Variants in LRRC7 observed in about 807,000 individuals in gnomAD.
LRRC7 encodes leucine rich repeat containing 7.
Under a neutral mutation model 175.7 loss-of-function variants are expected in LRRC7, and 23 were observed. The observed-to-expected ratio is 0.13, with a 90% CI of 0.09 to 0.19. LRRC7 has a LOEUF of 0.19. Among genes scored for constraint, LRRC7 ranks in the 10% least tolerant of loss-of-function variants. LRRC7 has a pLI of 1.00. For synonymous variants in LRRC7, 685 were observed against 680.9 expected (o/e 1.01, Z -0.09); for missense variants, 1,354 against 1,904.7 (o/e 0.71, Z 5.38).
chr1:69,711,704 G>A (rs995301597), intron 2 of LRRC7, among the ~76,000 whole-genome samples: 2 of 152,142 alleles, frequency 1.3e-5, no homozygotes, highest in African/African-American at 4.8e-5. Context: ...AAGTGCTGTA[G>A]CAACACTTGA....
intron 18 of LRRC7, among the ~76,000 whole-genome samples, chr1:70,029,282 T>C (rs1658451873): frequency 6.6e-6 from 1 of 152,180 alleles, no homozygotes; most frequent in South Asian, 2.1e-4. Context: ...ATCTAAAATA[T>C]GATCACATGG....
At chr1:69,584,212 C>T (rs1210787450) in intron 1 of LRRC7, among the ~76,000 whole-genome samples, 3 of 152,044 alleles carry the variant, frequency 2.0e-5, no homozygotes, top group Non-Finnish European at 2.9e-5. Context: ...TTATTATTTC[C>T]TTAAAATTTA....
At chr1:69,953,235 C>T (rs1363571885) in intron 8 of LRRC7, among the ~76,000 whole-genome samples, 1 of 151,952 alleles carries the variant, frequency 6.6e-6, no homozygotes, top group Non-Finnish European at 1.5e-5. Flanking sequence ...TGTGTTCTTG[C>T]TTTTACTAAT....
At chr1:69,942,154 C>G (rs1648787911) in intron 8 of LRRC7, among the ~76,000 whole-genome samples, 1 of 152,050 alleles carries the variant, frequency 6.6e-6, no homozygotes, top group South Asian at 2.1e-4. Context: ...TTTCCAGAAG[C>G]CATTTCTAAA....
At chr1:70,095,413 C>A (rs912430133) in intron 25 of LRRC7, among the ~76,000 whole-genome samples, 3 of 152,056 alleles carry the variant, frequency 2.0e-5, no homozygotes, top group Admixed American at 6.6e-5. Flanking sequence ...GAGATGAGTT[C>A]TTTCTTTAAT....
At chr1:69,718,606 G>T (rs2100770849) in intron 2 of LRRC7, among the ~76,000 whole-genome samples, 1 of 151,632 alleles carries the variant, frequency 6.6e-6, no homozygotes, top group Non-Finnish European at 1.5e-5. Flanking sequence ...ATTTTATCAG[G>T]CAAAAAAACA....
intron 11 of LRRC7, among the ~76,000 whole-genome samples, chr1:70,005,463 G>T (rs1345899820): frequency 6.6e-6 from 1 of 152,090 alleles, no homozygotes; most frequent in Non-Finnish European, 1.5e-5. Flanking sequence ...GTAATTGAGG[G>T]TTAATGATAC....
At chr1:69,940,307 A>G (rs1181403164) in intron 8 of LRRC7, among the ~76,000 whole-genome samples, 15 of 152,264 alleles carry the variant, frequency 9.9e-5, no homozygotes, top group Non-Finnish European at 1.5e-4. Flanking sequence ...TGCTAGCAGT[A>G]AAATAAATCA....
chr1:69,663,433 AT>A (rs956310689), intron 1 of LRRC7, among the ~76,000 whole-genome samples: 1 of 152,214 alleles, frequency 6.6e-6, no homozygotes, highest in Non-Finnish European at 1.5e-5. Flanking sequence ...ATTAGGATAA[AT>A]AGAGTATTCA....
At chr1:69,717,952 GAAAGAAGAAAAAGA>G (rs1347955555) in intron 2 of LRRC7, among the ~76,000 whole-genome samples, 2 of 68,914 alleles carry the variant, frequency 2.9e-5, no homozygotes, top group Non-Finnish European at 5.5e-5. Context: ...AAGAAAGAAA[GAAAGAAGAAAAAGA>G]AAGAAAGAGA....
rs1334384867 is a variant in LRRC7, at chr1:70,126,704, TATTAC to T, written c.*4819_*4823del. On this transcript the variant is annotated 3_prime_UTR_variant, in exon 27 of 27. Coordinates refer to ENST00000651989, the MANE Select transcript of LRRC7 (RefSeq NM_001370785.2). Reference sequence around the variant, plus strand: ...TATGTATAGAAAGCATGTGGGTCACTATTACAGGAGATCCTGAGTGTCAGCTCCAT... The same window carrying T: ...TATGTATAGAAAGCATGTGGGTCACTAGGAGATCCTGAGTGTCAGCTCCAT... 6.6e-6 allele frequency among the ~76,000 whole-genome samples: 1 copy of T among 152,198 alleles called. No individual in the cohort carries two copies. The highest frequency in any genetic ancestry group is 1.5e-5 in the Non-Finnish European group (1 of 68,038).
intron 8 of LRRC7, among the ~76,000 whole-genome samples, chr1:69,947,739 A>G (rs1201322080): frequency 2.0e-5 from 3 of 152,150 alleles, no homozygotes; most frequent in Non-Finnish European, 4.4e-5. Flanking sequence ...CCCACAACAG[A>G]TGCCTGAAAC....
At chr1:69,785,530 A>G (rs1408915524) in intron 3 of LRRC7, among the ~76,000 whole-genome samples, 1 of 152,030 alleles carries the variant, frequency 6.6e-6, no homozygotes, top group Non-Finnish European at 1.5e-5. Flanking sequence ...ATTTCACTCT[A>G]TTCTGTATTT....
chr1:70,131,242 C>T lies in LRRC7; in HGVS notation c.*9355C>T, dbSNP rs1211524288. On this transcript the variant is annotated 3_prime_UTR_variant, in exon 27 of 27. Coordinates refer to ENST00000651989, the MANE Select transcript of LRRC7 (RefSeq NM_001370785.2). The stretch of plus-strand genomic sequence containing the variant: ...CTATTTATACTGCCATGATCTTTGG[C>T]TTCATTAGATCCTTCCCCTGAAGGG... Among the ~76,000 whole-genome samples the T allele has an allele frequency of 6.6e-6, 1 of 152,172 alleles. No individual in the cohort carries two copies. The highest frequency in any genetic ancestry group is 2.4e-5 in the African/African-American group (1 of 41,438).
At chr1:69,842,320 G>A (rs1013698822) in intron 7 of LRRC7, among the ~76,000 whole-genome samples, 5 of 151,922 alleles carry the variant, frequency 3.3e-5, no homozygotes, top group African/African-American at 1.2e-4. Context: ...TTCTAATACC[G>A]TCAAGTTAAA....
chr1:69,829,803 G>C (rs1392383333), intron 5 of LRRC7, among the ~76,000 whole-genome samples: 1 of 151,726 alleles, frequency 6.6e-6, no homozygotes, highest in Non-Finnish European at 1.5e-5. Flanking sequence ...GGAAAGTAAA[G>C]GCAACTTATG....
At chr1:69,928,427 A>G (rs1647162268) in intron 7 of LRRC7, among the ~76,000 whole-genome samples, 1 of 152,212 alleles carries the variant, frequency 6.6e-6, no homozygotes, top group Non-Finnish European at 1.5e-5. Flanking sequence ...CTACAGAGGC[A>G]GGCACGCCTC....
At chr1:69,718,101 A>AGAG (rs1665841910) in intron 2 of LRRC7, among the ~76,000 whole-genome samples, 2 of 103,692 alleles carry the variant, frequency 1.9e-5, no homozygotes, top group African/African-American at 8.1e-5. Flanking sequence ...AAAGAGAAGA[A>AGAG]AGAGAGAAAA....
chr1:69,840,552 G>T (rs1213467772), intron 7 of LRRC7, among the ~76,000 whole-genome samples: 1 of 151,964 alleles, frequency 6.6e-6, no homozygotes, highest in Non-Finnish European at 1.5e-5. Context: ...ATGTGATTGT[G>T]TGCAAGAATC....
Sources: allele counts gnomAD v4.1 joint callset (sites outside exome capture counted in the v4.1 genomes callset), GRCh38; gene constraint gnomAD v4.1.1; transcripts MANE v1.5; gene names NCBI Gene and HGNC (gene_info 2026-07-23, HGNC 2026-07-21).